Variants in MYLK observed in about 807,000 individuals in gnomAD.
The protein encoded by MYLK is myosin light chain kinase.
A neutral mutation model predicts 203.4 loss-of-function variants in MYLK; 106 were observed. The ratio of observed to expected loss-of-function variants is 0.52; its 90% confidence interval spans 0.45 to 0.61. MYLK has a LOEUF of 0.61. Ranked by LOEUF, MYLK falls within the 20% of genes least tolerant of loss-of-function variation. MYLK has a pLI of 0.00. For synonymous variants in MYLK, 867 were observed against 959.5 expected (o/e 0.90, Z 1.78); for missense variants, 2,072 against 2,442.3 (o/e 0.85, Z 3.20).
chr3:123,625,557 C>T (rs919166052), intron 31 of MYLK, among the ~76,000 whole-genome samples: 10 of 151,724 alleles, frequency 6.6e-5, no homozygotes, highest in Non-Finnish European at 1.2e-4. Context: ...GCCTGTAATT[C>T]CAACACTTTG....
rs2057217248 is a variant in MYLK, at chr3:123,610,109, A to G, written c.*3996T>C. 6.6e-6 allele frequency: 1 copy of G among 152,270 alleles called. No individual in the cohort carries two copies. The highest frequency in any genetic ancestry group is 1.5e-5 in the Non-Finnish European group (1 of 68,044). The allele number at this position is 152,270 out of a possible 1,614,324, so 9.4% of individuals were successfully genotyped here. A position where few individuals can be genotyped will look rare whatever the true frequency, so the allele number is the denominator to read the frequency against. On this transcript the variant is annotated 3_prime_UTR_variant, in exon 34 of 34. Coordinates refer to ENST00000360304, the MANE Select transcript of MYLK (RefSeq NM_053025.4). ...TGAAACTATAGACCATACTCTCTAG[A>G]CTTTCACACAAGCTTTTCAGTTTTA...
chr3:123,867,380 C>A, intron 2 of MYLK, among the ~76,000 whole-genome samples: 1 of 135,114 alleles, frequency 7.4e-6, no homozygotes, highest in Admixed American at 7.8e-5. Context: ...AAGATGAAGT[C>A]ATACTGAATT....
At chr3:123,647,525 A>ATGGG in intron 26 of MYLK, 98 bp from the exon 27 acceptor site, 1 of 1,008,534 alleles carries the variant, frequency 9.9e-7, no homozygotes, top group Non-Finnish European at 1.5e-6. Context: ...GATCTGGCCC[A>ATGGG]CCTCCTTTTA....
At chr3:123,650,972 T>C (rs991759891) in intron 24 of MYLK, among the ~76,000 whole-genome samples, 4 of 151,974 alleles carry the variant, frequency 2.6e-5, no homozygotes, top group Admixed American at 6.6e-5. Flanking sequence ...CAAACAGGGG[T>C]GAGTACTGGG....
intron 3 of MYLK, among the ~76,000 whole-genome samples, chr3:123,814,395 T>A (rs1301592424): frequency 6.6e-6 from 1 of 152,204 alleles, no homozygotes; most frequent in Non-Finnish European, 1.5e-5. Flanking sequence ...TCTGACTCTT[T>A]ACAGGAATGT....
rs761090869 is a variant in MYLK at position 123,673,161 on chromosome 3, C to CT, written c.3653-5975dup. ...GTGCAGCATGTTCTTTTTTTCTTTT[C>CT]TTTTTTTTTTTTTTTTTTTTGACAC... is the stretch of plus-strand genomic sequence containing the variant. On this transcript the variant is annotated intron_variant, in intron 20 of 33. Coordinates refer to ENST00000360304, the MANE Select transcript of MYLK (RefSeq NM_053025.4). Among the ~76,000 whole-genome samples, 870 of 136,946 alleles carry CT rather than the reference C, an allele frequency of 6.4e-3. 7 individuals carry two copies. Among genetic ancestry groups the CT allele is most frequent in the African/African-American group, 0.021 (742 of 35,362 alleles). 89.8% of individuals were successfully genotyped at this position (136,946 alleles called of 152,430 possible).
chr3:123,634,239 G>T (rs1420091033), intron 29 of MYLK, among the ~76,000 whole-genome samples: 1 of 152,206 alleles, frequency 6.6e-6, no homozygotes, highest in Non-Finnish European at 1.5e-5. Flanking sequence ...GAAGGTGGTG[G>T]CCGGGCTTGG....
chr3:123,708,211 A>T lies in MYLK; in HGVS notation c.2141-208T>A, dbSNP rs192241273. Reference sequence around the variant, plus strand: ...TACATTCTCAGAGGATAATATTAACATGACTGTATATCCAATGTAAGGGGA... The same window carrying T: ...TACATTCTCAGAGGATAATATTAACTTGACTGTATATCCAATGTAAGGGGA... On this transcript the variant is annotated intron_variant, in intron 15 of 33. Coordinates refer to ENST00000360304, the MANE Select transcript of MYLK (RefSeq NM_053025.4). Among the ~76,000 whole-genome samples the T allele has an allele frequency of 1.8e-3, 277 of 152,314 alleles. 1 individual carries two copies. Among genetic ancestry groups the T allele is most frequent in the African/African-American group, 6.3e-3 (263 of 41,578 alleles).
intron 2 of MYLK, among the ~76,000 whole-genome samples, chr3:123,833,191 T>G (rs1411576247): frequency 6.6e-6 from 1 of 151,348 alleles, no homozygotes; most frequent in African/African-American, 2.5e-5. Flanking sequence ...TGTAATCTGT[T>G]TGGCCACAGG....
chr3:123,747,095 G>A (rs991026808), intron 5 of MYLK, among the ~76,000 whole-genome samples: 3 of 152,156 alleles, frequency 2.0e-5, no homozygotes, highest in Non-Finnish European at 2.9e-5. Context: ...AAGATAAAAG[G>A]AGTCTAAGAG....
intron 16 of MYLK, among the ~76,000 whole-genome samples, chr3:123,706,204 G>GA (rs554921202): frequency 1.6e-3 from 250 of 152,264 alleles, no homozygotes; most frequent in Non-Finnish European, 2.4e-3. Flanking sequence ...AAGAAATAAT[G>GA]AAACTGCTTT....
chr3:123,812,010 A>C (rs1339103708), intron 3 of MYLK, among the ~76,000 whole-genome samples: 1 of 152,178 alleles, frequency 6.6e-6, no homozygotes, highest in Non-Finnish European at 1.5e-5. Context: ...CGCTCAATAT[A>C]AAGAATCCAT....
In MYLK at chr3:123,667,950, T is replaced by G. The variant is rs545471615; in HGVS notation, c.3653-763A>C. On this transcript the variant is annotated intron_variant, in intron 20 of 33. Transcript: ENST00000360304. ...GGTCACAGACTGTTGACTGGTGGCT[T>G]TCATTTTTTTAAAGTTTGTTGGATG... Among the ~76,000 whole-genome samples the G allele has an allele frequency of 9.8e-5, 15 of 152,344 alleles. No homozygotes were observed. In the South Asian group the frequency reaches 2.9e-3, roughly 29 times the overall value.
At chr3:123,852,096 C>T (rs1420495347) in intron 2 of MYLK, among the ~76,000 whole-genome samples, 1 of 152,144 alleles carries the variant, frequency 6.6e-6, no homozygotes. Flanking sequence ...GGATGAAGCC[C>T]ACTTGATCAT....
Position 123,840,353 on chromosome 3 carries a change from T to C in MYLK, c.-126-8683A>G, listed in dbSNP as rs146141536. 4.4e-3 allele frequency among the ~76,000 whole-genome samples: 570 copies of C among 128,176 alleles called. 9 individuals carry two copies. The highest frequency in any genetic ancestry group is 0.037 in the Admixed American group (430 of 11,752). The allele number at this position is 128,176 out of a possible 152,430, so 84.1% of individuals were successfully genotyped here. Reference sequence around the variant, plus strand: ...TCAGGAATAAAATAGAGAACATCACTACAAATCCTACAGACATTATATATA... The same window carrying C: ...TCAGGAATAAAATAGAGAACATCACCACAAATCCTACAGACATTATATATA... On this transcript the variant is annotated intron_variant, in intron 2 of 33. Coordinates refer to ENST00000360304, the MANE Select transcript of MYLK (RefSeq NM_053025.4).
intron 3 of MYLK, among the ~76,000 whole-genome samples, chr3:123,797,087 T>C (rs993372973): frequency 3.9e-5 from 6 of 152,136 alleles, no homozygotes; most frequent in African/African-American, 1.4e-4. Flanking sequence ...GGGAAAATAA[T>C]GATAAGAATT....
intron 20 of MYLK, among the ~76,000 whole-genome samples, chr3:123,667,960 T>A (rs1174723803): frequency 6.6e-6 from 1 of 152,216 alleles, no homozygotes; most frequent in African/African-American, 2.4e-5. Context: ...TTCATTTTTT[T>A]AAAGTTTGTT....
intron 3 of MYLK, among the ~76,000 whole-genome samples, chr3:123,825,039 G>C (rs1245221498): frequency 6.6e-6 from 1 of 151,938 alleles, no homozygotes; most frequent in Non-Finnish European, 1.5e-5. Flanking sequence ...CAGCTACTTA[G>C]GAGGCTGAGG....
intron 19 of MYLK, among the ~76,000 whole-genome samples, chr3:123,689,218 G>A (rs1489155922): frequency 1.3e-5 from 2 of 152,196 alleles, no homozygotes; most frequent in Admixed American, 6.5e-5. Flanking sequence ...AGTTGAGAAT[G>A]ACTGGATGAG....
Sources: gnomAD v4.1 joint callset for allele counts (sites outside exome capture counted in the v4.1 genomes callset) on GRCh38, gnomAD v4.1.1 for gene constraint, MANE v1.5 for transcripts, NCBI Gene and HGNC (gene_info 2026-07-23, HGNC 2026-07-21) for gene names.